GPC6: variants seen among roughly 807,000 people sequenced by gnomAD.
The protein encoded by GPC6 is glypican 6.
In GPC6, 14 loss-of-function variants were observed where a neutral mutation model predicts 55.2. That is an observed-to-expected ratio of 0.25 (90% confidence interval 0.17 to 0.40). The LOEUF is 0.40. GPC6 is among the 10% of genes least tolerant of loss of function. The probability of loss-of-function intolerance (pLI) is 1.00; values close to 1 mark genes in which losing one functional copy is unlikely to be tolerated. For synonymous variants in GPC6, 278 were observed against 259.6 expected (o/e 1.07, Z -0.68); for missense variants, 641 against 708.5 (o/e 0.90, Z 1.08).
intron 1 of GPC6, among the ~76,000 whole-genome samples, chr13:93,300,655 A>G (rs1036535718): frequency 6.6e-6 from 1 of 151,494 alleles, no homozygotes; most frequent in African/African-American, 2.4e-5. Context: ...CTCAAAAAAA[A>G]AAAAAAAAAG....
At chr13:93,591,454 A>G (rs917176395) in intron 2 of GPC6, among the ~76,000 whole-genome samples, 2 of 138,704 alleles carry the variant, frequency 1.4e-5, no homozygotes, top group Non-Finnish European at 3.1e-5. Context: ...ACAGAGCGAG[A>G]CTCCGTCTCA....
intron 2 of GPC6, among the ~76,000 whole-genome samples, chr13:93,772,685 A>G (rs1885341188): frequency 6.6e-6 from 1 of 152,168 alleles, no homozygotes; most frequent in Non-Finnish European, 1.5e-5. Flanking sequence ...CTGTCCTGAT[A>G]GAAGCTGGGG....
intron 1 of GPC6, among the ~76,000 whole-genome samples, chr13:93,429,743 G>A (rs574924912): frequency 1.6e-4 from 25 of 152,150 alleles, no homozygotes; most frequent in African/African-American, 6.0e-4. Context: ...CACCATTAGT[G>A]TAAGCTTGTG....
chr13:94,387,618 C>T (rs531624055), intron 7 of GPC6, among the ~76,000 whole-genome samples: 1 of 152,132 alleles, frequency 6.6e-6, no homozygotes, highest in African/African-American at 2.4e-5. Flanking sequence ...TAGTTGAAAT[C>T]CTCACCCCTT....
At chr13:94,196,448 A>G (rs1316652504) in intron 4 of GPC6, among the ~76,000 whole-genome samples, 2 of 152,168 alleles carry the variant, frequency 1.3e-5, no homozygotes, top group Admixed American at 6.5e-5. Flanking sequence ...AAGTTTTTAA[A>G]GGGTCTTCAA....
At chr13:94,058,388 GCATT>G (rs1291014670) in intron 4 of GPC6, among the ~76,000 whole-genome samples, 1 of 152,116 alleles carries the variant, frequency 6.6e-6, no homozygotes, top group Non-Finnish European at 1.5e-5. Context: ...GTGCATTCAT[GCATT>G]CATTTATTCA....
intron 3 of GPC6, among the ~76,000 whole-genome samples, chr13:93,981,607 A>G (rs1880806301): frequency 6.6e-6 from 1 of 152,174 alleles, no homozygotes; most frequent in Non-Finnish European, 1.5e-5. Context: ...CTGGCTGCTC[A>G]TTACTATATC....
intron 5 of GPC6, among the ~76,000 whole-genome samples, chr13:94,293,300 G>A (rs910923234): frequency 6.6e-6 from 1 of 152,186 alleles, no homozygotes; most frequent in African/African-American, 2.4e-5. Context: ...GAGGGAACTG[G>A]TAGGAGGTGA....
chr13:93,574,947 C>G (rs1298058200), intron 2 of GPC6, among the ~76,000 whole-genome samples: 2 of 151,886 alleles, frequency 1.3e-5, no homozygotes, highest in African/African-American at 4.8e-5. Flanking sequence ...AGTGACAAAC[C>G]CAGGGAAGTG....
intron 3 of GPC6, among the ~76,000 whole-genome samples, chr13:93,917,678 T>C (rs1379157883): frequency 2.6e-5 from 4 of 152,158 alleles, no homozygotes; most frequent in African/African-American, 9.7e-5. Flanking sequence ...CAGTGAAACC[T>C]TGAGAAGCAT....
At chr13:93,933,653 A>T (rs1390595842) in intron 3 of GPC6, among the ~76,000 whole-genome samples, 1 of 152,220 alleles carries the variant, frequency 6.6e-6, no homozygotes, top group Non-Finnish European at 1.5e-5. Flanking sequence ...AATGGTTGGC[A>T]TATATTCAAT....
chr13:93,994,475 C>A (rs1594650635), intron 3 of GPC6, among the ~76,000 whole-genome samples: 2 of 152,232 alleles, frequency 1.3e-5, no homozygotes, highest in South Asian at 4.1e-4. Context: ...TAGTTCAATT[C>A]CCATTTCTTT....
At chr13:93,898,481 C>T (rs1876147238) in intron 3 of GPC6, among the ~76,000 whole-genome samples, 1 of 152,048 alleles carries the variant, frequency 6.6e-6, no homozygotes, top group South Asian at 2.1e-4. Flanking sequence ...GTGCATGAAG[C>T]CTATTGTTGT....
intron 1 of GPC6, among the ~76,000 whole-genome samples, chr13:93,390,973 A>T (rs1875608553): frequency 6.6e-6 from 1 of 151,984 alleles, no homozygotes; most frequent in Non-Finnish European, 1.5e-5. Flanking sequence ...TGGCTACTTA[A>T]ATAAATACTA....
chr13:93,497,100 G>T (rs962893521), intron 1 of GPC6, among the ~76,000 whole-genome samples: 1 of 152,104 alleles, frequency 6.6e-6, no homozygotes, highest in Non-Finnish European at 1.5e-5. Context: ...ACTCTCTATG[G>T]TTGATTCTGT....
At chr13:93,392,508 A>T (rs931946533) in intron 1 of GPC6, among the ~76,000 whole-genome samples, 1 of 152,242 alleles carries the variant, frequency 6.6e-6, no homozygotes. Flanking sequence ...TAATTTGCAG[A>T]AATACCCCAA....
At chr13:93,712,690 T>C (rs989224188) in intron 2 of GPC6, among the ~76,000 whole-genome samples, 2 of 151,720 alleles carry the variant, frequency 1.3e-5, no homozygotes, top group African/African-American at 4.8e-5. Context: ...CTGTTTTTTT[T>C]CTCTTCTGTG....
chr13:94,326,216 C>G (rs941516702), intron 6 of GPC6, among the ~76,000 whole-genome samples: 19 of 151,624 alleles, frequency 1.3e-4, no homozygotes, highest in African/African-American at 4.6e-4. Flanking sequence ...CACACACACA[C>G]ACACACACAC....
At chr13:94,101,256 C>T (rs905685168) in intron 4 of GPC6, among the ~76,000 whole-genome samples, 3 of 152,318 alleles carry the variant, frequency 2.0e-5, no homozygotes, top group Non-Finnish European at 2.9e-5. Context: ...TCAGGTGAAG[C>T]GCAGCTCAAC....
Sources: allele counts gnomAD v4.1 joint callset (sites outside exome capture counted in the v4.1 genomes callset), GRCh38; gene constraint gnomAD v4.1.1; transcripts MANE v1.5; gene names NCBI Gene and HGNC (gene_info 2026-07-23, HGNC 2026-07-21).